CSPP1: variants seen among roughly 807,000 people sequenced by gnomAD.
CSPP1 encodes centrosome and spindle pole associated protein 1.
A neutral mutation model predicts 164.4 loss-of-function variants in CSPP1; 126 were observed. The ratio of observed to expected loss-of-function variants is 0.77; its 90% CI spans 0.66 to 0.89. The LOEUF (loss-of-function observed/expected upper bound fraction) is 0.89. CSPP1 is among the 40% of genes least tolerant of loss of function. The pLI, the probability that CSPP1 is intolerant of heterozygous loss-of-function variation, is 0.00. For missense variants in CSPP1, 1,395 were observed against 1,449.8 expected, an observed-to-expected ratio of 0.96 and a Z score of 0.61; for synonymous variants, 472 against 476.7, an observed-to-expected ratio of 0.99 and a Z score of 0.13.
rs369369021 is a variant in CSPP1, at chr8:67,086,865, C to T, written c.303+755C>T. ...AAGAAAGGTAGGGTTGTCTGCAATA[C>T]GTCCTCCTTCAGTTTTTTCTTTCTT... On this transcript the variant is annotated intron_variant, in intron 4 of 30. Transcript: ENST00000678616. 17 of 1,311,712 alleles carry T rather than the reference C, an allele frequency of 1.3e-5. No homozygotes were observed. In the East Asian group the frequency reaches 3.7e-4, roughly 28 times the overall value. 81.3% of individuals were successfully genotyped at this position (1,311,712 alleles called of 1,614,324 possible). A position where few individuals can be genotyped will look rare whatever the true frequency, so the allele number is the denominator to read the frequency against.
At chr8:67,187,101 C>A (rs1834884353) in intron 28 of CSPP1, among the ~76,000 whole-genome samples, 1 of 152,010 alleles carries the variant, frequency 6.6e-6, no homozygotes, top group Non-Finnish European at 1.5e-5. Context: ...TATTTCATGA[C>A]CATGCACAGG....
At chr8:67,080,804 C>T (rs911663133) in intron 3 of CSPP1, 4 of 152,240 alleles carry the variant, frequency 2.6e-5, no homozygotes, top group Non-Finnish European at 5.9e-5. Flanking sequence ...CATTAATTAT[C>T]TGTTAGTCTC....
chr8:67,185,923 A>T (rs914271407), intron 28 of CSPP1, among the ~76,000 whole-genome samples: 3 of 152,162 alleles, frequency 2.0e-5, no homozygotes, highest in Non-Finnish European at 4.4e-5. Context: ...AAAACTCCTA[A>T]AACACCAAAA....
In CSPP1 at chr8:67,161,919, T is replaced by C. The variant is rs748730202; in HGVS notation, c.2643+4T>C. 6 of 1,567,366 alleles carry C rather than the reference T, an allele frequency of 3.8e-6. No homozygotes were observed. The Admixed American group carries it at 1.0e-4, about 26-fold the overall frequency. ...CATCATACGTTCCTTTATTCATGTA[T>C]GTACTTTTGTTTTTATTTGTTCATC... On this transcript the variant is annotated splice_donor_region_variant and intron_variant, in intron 22 of 30. Coordinates refer to ENST00000678616, the MANE Select transcript of CSPP1 (RefSeq NM_001382391.1).
At chr8:67,087,049 G>A (rs1417655014) in intron 4 of CSPP1, among the ~76,000 whole-genome samples, 7 of 151,834 alleles carry the variant, frequency 4.6e-5, no homozygotes, top group South Asian at 2.1e-4. Flanking sequence ...ATAATTTTCC[G>A]TTAATATAGT....
chr8:67,067,164 A>T (rs1401927952), intron 1 of CSPP1, among the ~76,000 whole-genome samples: 1 of 151,946 alleles, frequency 6.6e-6, no homozygotes, highest in Non-Finnish European at 1.5e-5. Context: ...TTTGTACTCC[A>T]CTCCTTGAGA....
chr8:67,069,730 C>T (rs1223922604), intron 1 of CSPP1, among the ~76,000 whole-genome samples: 5 of 149,946 alleles, frequency 3.3e-5, no homozygotes, highest in Non-Finnish European at 7.4e-5. Flanking sequence ...ATGATCTCGG[C>T]TCACTGCAAC....
At chr8:67,151,778 A>G (rs886612066) in intron 18 of CSPP1, among the ~76,000 whole-genome samples, 2 of 152,060 alleles carry the variant, frequency 1.3e-5, no homozygotes, top group East Asian at 3.8e-4. Context: ...TTCCCAAATT[A>G]GACTTTTCTT....
At chr8:67,077,605 C>A (rs1808229728) in intron 3 of CSPP1, among the ~76,000 whole-genome samples, 1 of 152,220 alleles carries the variant, frequency 6.6e-6, no homozygotes, top group African/African-American at 2.4e-5. Context: ...CCTCCCAAAG[C>A]TGGGGTTACA....
intron 29 of CSPP1, among the ~76,000 whole-genome samples, chr8:67,192,483 A>C (rs1021294149): frequency 6.6e-6 from 1 of 151,976 alleles, no homozygotes; most frequent in African/African-American, 2.4e-5. Flanking sequence ...CTTTTTTCCC[A>C]TTCTGTATCT....
At chr8:67,193,639 T>C in intron 30 of CSPP1, 37 bp downstream of exon 30, 1 of 1,570,996 alleles carries the variant, frequency 6.4e-7, no homozygotes, top group Non-Finnish European at 8.7e-7. Flanking sequence ...AGTAGAATCC[T>C]GTATGAACTT....
intron 30 of CSPP1, among the ~76,000 whole-genome samples, 169 bp downstream of exon 30, chr8:67,193,771 C>A (rs1312107442): frequency 6.6e-6 from 1 of 152,206 alleles, no homozygotes; most frequent in East Asian, 1.9e-4. Flanking sequence ...CCTCAGGATG[C>A]AGTTTGCATC....
intron 1 of CSPP1, among the ~76,000 whole-genome samples, chr8:67,071,694 TA>T (rs1264842507): frequency 1.3e-5 from 2 of 152,200 alleles, no homozygotes; most frequent in African/African-American, 4.8e-5. Flanking sequence ...TTCCAGGCCT[TA>T]AAACTTTGAT....
intron 9 of CSPP1, among the ~76,000 whole-genome samples, chr8:67,107,010 A>AT (rs1563572212): frequency 1.3e-5 from 2 of 148,648 alleles, no homozygotes; most frequent in Non-Finnish European, 3.0e-5. Flanking sequence ...GTTTTTATTT[A>AT]TTTATTTTAT....
intron 21 of CSPP1, among the ~76,000 whole-genome samples, chr8:67,159,925 CT>C (rs773471236): frequency 0.12 from 4,547 of 37,412 alleles, 586 homozygotes; most frequent in Middle Eastern, 0.15. Flanking sequence ...TCTTTCTTTC[CT>C]TTCCTTCCTT....
chr8:67,175,084 G>C, intron 25 of CSPP1: 5 of 508,002 alleles, frequency 9.8e-6, no homozygotes, highest in Non-Finnish European at 1.4e-5. Flanking sequence ...ATGTTGGTAA[G>C]TTTGTGAAAA....
intron 15 of CSPP1, among the ~76,000 whole-genome samples, chr8:67,129,833 C>T (rs1820846625): frequency 6.6e-6 from 1 of 152,096 alleles, no homozygotes; most frequent in Non-Finnish European, 1.5e-5. Flanking sequence ...TTAATAATTA[C>T]CTGGGGCTGA....
At chr8:67,099,728 A>G (rs1277553472) in intron 7 of CSPP1, among the ~76,000 whole-genome samples, 5 of 152,178 alleles carry the variant, frequency 3.3e-5, no homozygotes, top group Non-Finnish European at 7.4e-5. Context: ...AAGTGAACTA[A>G]CAGAGCTAGT....
chr8:67,116,922 T>A (rs1420495457), intron 13 of CSPP1, among the ~76,000 whole-genome samples: 1 of 152,188 alleles, frequency 6.6e-6, no homozygotes, highest in Non-Finnish European at 1.5e-5. Context: ...GTGTTTACTA[T>A]ACTTATCAGG....
Sources: allele counts gnomAD v4.1 joint callset (sites outside exome capture counted in the v4.1 genomes callset), GRCh38; gene constraint gnomAD v4.1.1; transcripts MANE v1.5; gene names NCBI Gene and HGNC (gene_info 2026-07-23, HGNC 2026-07-21).